The following LTBP1 variants were observed in gnomAD, a reference collection of about 807,000 sequenced individuals.
LTBP1 encodes latent transforming growth factor beta binding protein 1.
A neutral mutation model predicts 207.6 loss-of-function variants in LTBP1; 129 were observed. The ratio of observed to expected loss-of-function variants is 0.62; its 90% CI spans 0.54 to 0.72. The LOEUF is 0.72. LTBP1 is among the 30% of genes least tolerant of loss of function. LTBP1 has a pLI of 0.00. For synonymous variants in LTBP1, 963 were observed against 833.7 expected, an observed-to-expected ratio of 1.16 and a Z score of -2.67; for missense variants, 2,281 against 2,217.2, an observed-to-expected ratio of 1.03 and a Z score of -0.58.
intron 2 of LTBP1, among the ~76,000 whole-genome samples, chr2:32,992,198 A>G (rs1280715324): frequency 1.3e-5 from 2 of 152,236 alleles, no homozygotes; most frequent in East Asian, 3.8e-4. Flanking sequence ...CCTGCCATCC[A>G]AATGTATGCT....
intron 31 of LTBP1, among the ~76,000 whole-genome samples, chr2:33,378,989 G>A (rs12105947): frequency 0.063 from 9,594 of 152,144 alleles, 333 homozygotes; most frequent in Non-Finnish European, 0.07. Flanking sequence ...CTAAGCATCA[G>A]TAGCCACTAC....
At chr2:33,133,681 G>T (rs113391495) in intron 4 of LTBP1, among the ~76,000 whole-genome samples, 28 of 152,238 alleles carry the variant, frequency 1.8e-4, no homozygotes, top group African/African-American at 5.5e-4. Flanking sequence ...AATGAATGAG[G>T]GTGGCTGTGT....
chr2:33,170,535 A>G (rs908519087), intron 5 of LTBP1, among the ~76,000 whole-genome samples: 145 of 152,334 alleles, frequency 9.5e-4, no homozygotes, highest in African/African-American at 3.4e-3. Context: ...CCACAGCTCA[A>G]GGAGGCCTGC....
chr2:32,980,108 A>T (rs1465509475), intron 2 of LTBP1, among the ~76,000 whole-genome samples: 1 of 151,436 alleles, frequency 6.6e-6, no homozygotes, highest in African/African-American at 2.4e-5. Flanking sequence ...TAGTTTTTTT[A>T]AATGCATTTA....
intron 3 of LTBP1, among the ~76,000 whole-genome samples, chr2:33,031,185 T>C (rs975681023): frequency 6.6e-6 from 1 of 152,214 alleles, no homozygotes; most frequent in African/African-American, 2.4e-5. Context: ...TACAATCTGT[T>C]ACTCATTGAC....
Position 33,394,086 on chromosome 2 carries a change from T to G in LTBP1, c.4835-3047T>G, listed in dbSNP as rs1458068565. ...CATGTGTCTTTTGGCTGCATAAATGTCTTCTTTTGAGAAGTGTCTGTTCAT... is the reference window on the plus strand; with the variant it reads ...CATGTGTCTTTTGGCTGCATAAATGGCTTCTTTTGAGAAGTGTCTGTTCAT... On this transcript the variant is annotated intron_variant, in intron 32 of 33. Coordinates refer to ENST00000404816, the MANE Select transcript of LTBP1 (RefSeq NM_206943.4). 2.6e-5 allele frequency among the ~76,000 whole-genome samples: 4 copies of G among 152,210 alleles called. No homozygotes were observed. The South Asian group carries it at 8.3e-4, about 32-fold the overall frequency.
At chr2:33,055,330 G>A (rs2076942940) in intron 3 of LTBP1, among the ~76,000 whole-genome samples, 1 of 152,190 alleles carries the variant, frequency 6.6e-6, no homozygotes, top group Admixed American at 6.5e-5. Context: ...AGCCACTCGA[G>A]GAAGGCAGAA....
At chr2:33,299,229 A>G (rs565503515) in intron 20 of LTBP1, among the ~76,000 whole-genome samples, 6 of 150,058 alleles carry the variant, frequency 4.0e-5, no homozygotes, top group Admixed American at 4.0e-4. Context: ...CGACAGAGCG[A>G]GACTCTGTCT....
intron 2 of LTBP1, among the ~76,000 whole-genome samples, chr2:33,018,075 GTAT>G (rs1688635181): frequency 1.3e-5 from 2 of 151,844 alleles, no homozygotes; most frequent in Admixed American, 1.3e-4. Context: ...ACAAAGGGAG[GTAT>G]TATATACATA....
chr2:33,281,744 A>G (rs2093563111), intron 19 of LTBP1, among the ~76,000 whole-genome samples: 1 of 152,170 alleles, frequency 6.6e-6, no homozygotes, highest in African/African-American at 2.4e-5. Flanking sequence ...ATTTTTATTC[A>G]TTAGTTTTTT....
rs527857179 is a variant in LTBP1, at chr2:33,108,708, G to A, written c.864-1874G>A. On this transcript the variant is annotated intron_variant, in intron 3 of 33. Coordinates refer to ENST00000404816, the MANE Select transcript of LTBP1 (RefSeq NM_206943.4). ...GGAGCTAGCCTGTACATCTCTCAGC[G>A]GGTCAGAGTAGCATGGTGACAGGGT... 5.9e-5 allele frequency among the ~76,000 whole-genome samples: 9 copies of A among 152,210 alleles called. No homozygotes were observed. The South Asian group carries it at 1.9e-3, about 32-fold the overall frequency.
intron 13 of LTBP1, 117 bp downstream of exon 13, chr2:33,259,727 G>C: frequency 1.1e-6 from 1 of 933,430 alleles, no homozygotes; most frequent in Non-Finnish European, 1.6e-6. Context: ...TGCATCATTT[G>C]GTTTGAGTTA....
At chr2:33,098,735 G>A (rs1176716885) in intron 3 of LTBP1, among the ~76,000 whole-genome samples, 1 of 152,092 alleles carries the variant, frequency 6.6e-6, no homozygotes, top group Non-Finnish European at 1.5e-5. Flanking sequence ...CACCGCGCCT[G>A]GCCCACAAAT....
chr2:32,966,640 A>G (rs1293273565), intron 2 of LTBP1, among the ~76,000 whole-genome samples: 1 of 152,134 alleles, frequency 6.6e-6, no homozygotes, highest in African/African-American at 2.4e-5. Flanking sequence ...TGATATGATC[A>G]TGTGATTTTT....
intron 2 of LTBP1, among the ~76,000 whole-genome samples, chr2:33,016,267 G>A (rs371219357): frequency 3.6e-4 from 55 of 152,228 alleles, no homozygotes; most frequent in African/African-American, 1.3e-3. Flanking sequence ...TGGAAAAGGG[G>A]GTTTGGGTTA....
In LTBP1 at chr2:33,214,872, T is replaced by TA. The variant is rs879292706; in HGVS notation, c.1702-2667dup. On this transcript the variant is annotated intron_variant, in intron 7 of 33. Transcript: ENST00000404816. Reference sequence around the variant, plus strand: ...AATTACGTGTTTTTTCAAGTTCATCTAAAAAAAAAAAAAGCAATTGTTTTG... The same window carrying TA: ...AATTACGTGTTTTTTCAAGTTCATCTAAAAAAAAAAAAAAGCAATTGTTTTG... Among the ~76,000 whole-genome samples the TA allele has an allele frequency of 1.1e-3, 150 of 140,406 alleles. 2 individuals carry two copies. The highest frequency in any genetic ancestry group is 2.6e-3 in the African/African-American group (98 of 38,344). 92.1% of individuals were successfully genotyped at this position (140,406 alleles called of 152,430 possible).
chr2:33,040,424 T>C (rs1176460714), intron 3 of LTBP1, among the ~76,000 whole-genome samples: 2 of 152,202 alleles, frequency 1.3e-5, no homozygotes, highest in African/African-American at 2.4e-5. Context: ...TAGAATAATA[T>C]TTCTTTGTAA....
chr2:33,020,943 G>T lies in LTBP1; in HGVS notation c.600G>T (p.Met200Ile). The change falls in exon 3 of 34, where the codon ATG becomes ATT. Residue 200 changes from methionine (M) to isoleucine (I), a missense_variant. Physicochemically the swap from Met to Ile is conservative, Grantham distance 10 (BLOSUM62 1). Around this residue, in one of 3 missense-constraint regions of LTBP1, gnomAD observed 555 missense variants for 491.0 expected, o/e 1.13. Transcript: ENST00000404816. ...SCVPPCQNGG[M>I]CLRPQLCVCK... ...TTCCGCCATGTCAGAATGGAGGGAT[G>T]TGTCTCCGGCCACAACTCTGTGTGT... is the stretch of plus-strand genomic sequence containing the variant. 1 of 1,597,210 alleles carries T rather than the reference G, an allele frequency of 6.3e-7. No individual in the cohort carries two copies. Among genetic ancestry groups the T allele is most frequent in the Non-Finnish European group, 8.6e-7 (1 of 1,167,428 alleles).
chr2:33,078,373 C>T (rs2149829761), intron 3 of LTBP1, among the ~76,000 whole-genome samples: 1 of 152,212 alleles, frequency 6.6e-6, no homozygotes, highest in African/African-American at 2.4e-5. Flanking sequence ...TGCCAACCAA[C>T]TATGAATTTT....
Sources: allele counts gnomAD v4.1 joint callset (sites outside exome capture counted in the v4.1 genomes callset), GRCh38; gene constraint gnomAD v4.1.1; regional missense constraint gnomAD v4.1.1; transcripts MANE v1.5; gene names NCBI Gene and HGNC (gene_info 2026-07-23, HGNC 2026-07-21).